RPS6KA3: variants seen among roughly 807,000 people sequenced by gnomAD.
The protein encoded by RPS6KA3 is ribosomal protein S6 kinase alpha-3.
RPS6KA3 carries 4 observed loss-of-function variants against 67.2 expected under a neutral mutation model. The ratio of observed to expected loss-of-function variants is 0.06; its 90% CI spans 0.03 to 0.14. The LOEUF is 0.14. RPS6KA3 is among the 10% of genes least tolerant of loss of function. The probability of loss-of-function intolerance (pLI) is 1.00; values close to 1 mark genes in which losing one functional copy is unlikely to be tolerated. For missense variants in RPS6KA3, 204 were observed against 559.0 expected, an observed-to-expected ratio of 0.36 and a Z score of 6.40; for synonymous variants, 182 against 183.7, an observed-to-expected ratio of 0.99 and a Z score of 0.07.
chrX:20,192,640 C>T (rs1465542850), intron 7 of RPS6KA3, among the ~76,000 whole-genome samples: 3 of 91,139 alleles, frequency 3.3e-5, no homozygotes, highest in African/African-American at 1.2e-4. Context: ...CACTCTGTTG[C>T]CCAGGCTGGA....
chrX:20,170,909 G>T (rs956833305), intron 15 of RPS6KA3, among the ~76,000 whole-genome samples: 1 of 109,879 alleles, frequency 9.1e-6, no homozygotes, highest in Non-Finnish European at 1.9e-5. Context: ...TGAGTAGCTG[G>T]GACTACAGGC....
chrX:20,222,969 T>C (rs974541845), intron 2 of RPS6KA3, among the ~76,000 whole-genome samples: 1 of 111,736 alleles, frequency 8.9e-6, no homozygotes, highest in Non-Finnish European at 1.9e-5. Flanking sequence ...GTTTTAGATA[T>C]ATAGTGTTAA....
At chrX:20,202,139 C>T (rs1278964702) in intron 4 of RPS6KA3, among the ~76,000 whole-genome samples, 1 of 108,587 alleles carries the variant, frequency 9.2e-6, no homozygotes, top group East Asian at 2.9e-4. Flanking sequence ...AACACCATGC[C>T]CGGCTAATTT....
intron 2 of RPS6KA3, among the ~76,000 whole-genome samples, chrX:20,225,751 T>C (rs2069104438): frequency 8.9e-6 from 1 of 111,930 alleles, no homozygotes; most frequent in Admixed American, 9.5e-5. Flanking sequence ...CTGTTAAGGA[T>C]CATTTTGGAT....
At chrX:20,167,836 A>C in intron 16 of RPS6KA3, 89 bp from the exon 17 acceptor site, 1 of 605,549 alleles carries the variant, frequency 1.7e-6, no homozygotes, top group Non-Finnish European at 2.8e-6. Flanking sequence ...AATTAAACTC[A>C]CTTCATATTC....
At chrX:20,165,843 G>A (rs1034071132) in intron 17 of RPS6KA3, among the ~76,000 whole-genome samples, 1 of 111,262 alleles carries the variant, frequency 9.0e-6, no homozygotes, top group Admixed American at 9.6e-5. Context: ...ATCTACCTGA[G>A]TACAGTAGTC....
At chrX:20,169,328 T>G in intron 16 of RPS6KA3, 74 bp downstream of exon 16, 1 of 703,331 alleles carries the variant, frequency 1.4e-6, no homozygotes, top group Non-Finnish European at 2.3e-6. Flanking sequence ...TACCACATGA[T>G]TTTTGAAAAT....
chrX:20,261,620 T>C lies in RPS6KA3; in HGVS notation c.69+4944A>G, dbSNP rs200402662. 5.3e-5 allele frequency among the ~76,000 whole-genome samples: 6 copies of C among 112,523 alleles called. No individual in the cohort carries two copies. In the East Asian group the frequency reaches 1.7e-3, roughly 31 times the overall value. On this transcript the variant is annotated intron_variant, in intron 1 of 21. Transcript: ENST00000379565. ...GTATTAAAATAATCATAATGTGCTATATGGATACATTTTATCCTGAACCTG... is the reference window on the plus strand; with the variant it reads ...GTATTAAAATAATCATAATGTGCTACATGGATACATTTTATCCTGAACCTG...
intron 1 of RPS6KA3, among the ~76,000 whole-genome samples, chrX:20,241,939 A>C (rs1263215474): frequency 9.0e-6 from 1 of 111,712 alleles, no homozygotes; most frequent in African/African-American, 3.2e-5. Flanking sequence ...TTAAAAAAAT[A>C]AATTGTTCAA....
At chrX:20,179,444 G>A (rs758413154) in intron 10 of RPS6KA3, among the ~76,000 whole-genome samples, 1 of 111,134 alleles carries the variant, frequency 9.0e-6, no homozygotes, top group South Asian at 3.8e-4. Context: ...GCATATCATA[G>A]ACGGATCCTG....
At chrX:20,161,541 A>G (rs1395546513) in intron 20 of RPS6KA3, 103 bp downstream of exon 20, 1 of 345,965 alleles carries the variant, frequency 2.9e-6, no homozygotes, top group African/African-American at 2.6e-5. Flanking sequence ...TCAGTTTAAC[A>G]TACTAATTTA....
chrX:20,151,617 CCTGAG>C lies in RPS6KA3; in HGVS notation c.*3776_*3780del, dbSNP rs1287640021. ...CAGACCTTTTCTGAACCTTTACATT[CCTGAG>C]CTATCTATCCTAATGCCTTCATAAG... On this transcript the variant is annotated 3_prime_UTR_variant, in exon 22 of 22. Coordinates refer to ENST00000379565, the MANE Select transcript of RPS6KA3 (RefSeq NM_004586.3). 8.9e-6 allele frequency: 1 copy of C among 112,286 alleles called. No individual in the cohort carries two copies. The highest frequency in any genetic ancestry group is 3.2e-5 in the African/African-American group (1 of 30,863). 9.3% of individuals were successfully genotyped at this position (112,286 alleles called of 1,213,427 possible). A position where few individuals can be genotyped will look rare whatever the true frequency, so the allele number is the denominator to read the frequency against.
chrX:20,234,703 T>C, intron 2 of RPS6KA3, 55 bp downstream of exon 2: 1 of 842,005 alleles, frequency 1.2e-6, no homozygotes, highest in East Asian at 3.1e-5. Flanking sequence ...AAAATAATAA[T>C]AACTTTACAG....
At chrX:20,193,076 G>C (rs966614763) in intron 7 of RPS6KA3, among the ~76,000 whole-genome samples, 1 of 111,227 alleles carries the variant, frequency 9.0e-6, no homozygotes. Context: ...TCAGGAGTTC[G>C]AGACCAGCCT....
At chrX:20,237,689 G>C (rs1215473633) in intron 1 of RPS6KA3, among the ~76,000 whole-genome samples, 1 of 111,753 alleles carries the variant, frequency 8.9e-6, no homozygotes, top group African/African-American at 3.2e-5. Context: ...TTAAAGAGCT[G>C]TACCAATGCA....
chrX:20,216,349 G>A (rs762087182), intron 2 of RPS6KA3, among the ~76,000 whole-genome samples: 5 of 110,607 alleles, frequency 4.5e-5, no homozygotes, highest in African/African-American at 6.6e-5. Context: ...AGCTATGTAC[G>A]GGAATTCACT....
At chrX:20,255,863 C>T (rs1249225547) in intron 1 of RPS6KA3, among the ~76,000 whole-genome samples, 2 of 93,793 alleles carry the variant, frequency 2.1e-5, no homozygotes, top group Admixed American at 1.2e-4. Context: ...AATCTCATCA[C>T]TTTGGGAGGC....
intron 2 of RPS6KA3, among the ~76,000 whole-genome samples, chrX:20,229,521 T>C (rs2069206319): frequency 9.0e-6 from 1 of 111,648 alleles, no homozygotes; most frequent in Non-Finnish European, 1.9e-5. Context: ...TCTGCCCAAA[T>C]TGCTGGTCCA....
At chrX:20,225,908 G>A (rs916262843) in intron 2 of RPS6KA3, among the ~76,000 whole-genome samples, 6 of 112,132 alleles carry the variant, frequency 5.4e-5, no homozygotes, top group Admixed American at 9.5e-5. Context: ...AAGTGGGGCC[G>A]AGTATGGTGG....
Sources: allele counts gnomAD v4.1 joint callset (sites outside exome capture counted in the v4.1 genomes callset), GRCh38; gene constraint gnomAD v4.1.1; transcripts MANE v1.5; gene names NCBI Gene and HGNC (gene_info 2026-07-23, HGNC 2026-07-21).